Variants in CELF2 observed in about 807,000 individuals in gnomAD.
CELF2 encodes the protein CUGBP Elav-like family member 2.
A neutral mutation model predicts 62.6 loss-of-function variants in CELF2; 8 were observed. The ratio of observed to expected loss-of-function variants is 0.13; its 90% CI spans 0.07 to 0.23. The LOEUF (loss-of-function observed/expected upper bound fraction) is 0.23, where lower values mean the gene tolerates loss of function less well. Ranked by LOEUF, CELF2 falls within the 10% of genes least tolerant of loss-of-function variation. The probability of loss-of-function intolerance (pLI) is 1.00; values close to 1 mark genes in which losing one functional copy is unlikely to be tolerated. For missense variants in CELF2, 333 were observed against 671.0 expected (o/e 0.50, Z 5.56); for synonymous variants, 258 against 250.0 (o/e 1.03, Z -0.30).
At chr10:11,044,813 C>G (rs1040960298) in intron 1 of CELF2, among the ~76,000 whole-genome samples, 1 of 152,162 alleles carries the variant, frequency 6.6e-6, no homozygotes, top group Non-Finnish European at 1.5e-5. Context: ...GGATGAGACT[C>G]TGCTGTTGAG....
the CELF2 span, among the ~76,000 whole-genome samples, chr10:10,785,167 A>G: frequency 6.6e-6 from 1 of 152,188 alleles, no homozygotes; most frequent in Non-Finnish European, 1.5e-5. Context: ...CTTCATGGTG[A>G]TCAATCAGGG....
chr10:10,555,630 G>C, the CELF2 span, among the ~76,000 whole-genome samples: 6 of 152,174 alleles, frequency 3.9e-5, no homozygotes, highest in African/African-American at 1.4e-4. Context: ...TTGGTAAATA[G>C]CTACATTTTT....
chr10:10,732,570 C>A, the CELF2 span, among the ~76,000 whole-genome samples: 2 of 143,310 alleles, frequency 1.4e-5, no homozygotes. Context: ...GTTGCCCAGG[C>A]TGGAGTGCAG....
At chr10:10,841,951 C>G (rs1357302809) in intron 1 of CELF2, among the ~76,000 whole-genome samples, 1 of 151,930 alleles carries the variant, frequency 6.6e-6, no homozygotes, top group Non-Finnish European at 1.5e-5. Flanking sequence ...TATTTAAATC[C>G]TCTTTGATTT....
At position 11,311,274 on chromosome 10, in the gene CELF2, T is replaced by A. The variant is rs2094546822; in HGVS notation, c.977-2865T>A. Among the ~76,000 whole-genome samples, 1 of 152,216 alleles carries A rather than the reference T, an allele frequency of 6.6e-6. No individual in the cohort carries two copies. The highest frequency in any genetic ancestry group is 2.1e-4 in the South Asian group (1 of 4,830). ...GAGTTTACAACCCAGTTTGATTGTA[T>A]CTGAGTGGCCAAAAATCCTAAGCCA... is the stretch of plus-strand genomic sequence containing the variant. On this transcript the variant is annotated intron_variant, in intron 9 of 12. Transcript: ENST00000633077. The surrounding 1 kb of genome is among the most constrained non-coding windows in gnomAD (Gnocchi z 4.7).
At chr10:11,143,681 TA>T (rs547288653) in intron 1 of CELF2, among the ~76,000 whole-genome samples, 47 of 152,352 alleles carry the variant, frequency 3.1e-4, no homozygotes, top group Middle Eastern at 6.8e-3. Context: ...ATTTTATGCT[TA>T]TTTCGCTATT....
intron 1 of CELF2, among the ~76,000 whole-genome samples, chr10:11,023,013 GC>G (rs1428187536): frequency 5.3e-5 from 8 of 152,198 alleles, no homozygotes; most frequent in African/African-American, 1.4e-4. Flanking sequence ...TATGTTCAAT[GC>G]TGCACTTTAC....
intron 2 of CELF2, among the ~76,000 whole-genome samples, chr10:10,964,023 A>G (rs1210604461): frequency 6.6e-6 from 1 of 152,226 alleles, no homozygotes; most frequent in African/African-American, 2.4e-5. Flanking sequence ...GAAAACATAA[A>G]TCTGAATCAA....
chr10:10,512,869 G>T, the CELF2 span, among the ~76,000 whole-genome samples: 1 of 152,180 alleles, frequency 6.6e-6, no homozygotes, highest in African/African-American at 2.4e-5. Flanking sequence ...CCTAGTGGGT[G>T]GTCAAATCAA....
the CELF2 span, among the ~76,000 whole-genome samples, chr10:10,709,575 A>G: frequency 9.9e-5 from 15 of 152,212 alleles, no homozygotes; most frequent in African/African-American, 3.6e-4. Flanking sequence ...GATGAGGGGA[A>G]TATGTGAAGG....
At chr10:11,114,691 C>T (rs1363337258) in intron 1 of CELF2, among the ~76,000 whole-genome samples, 2 of 152,176 alleles carry the variant, frequency 1.3e-5, no homozygotes. Context: ...GGGTTGGCCA[C>T]AGCACTTTAG....
chr10:10,872,325 C>G (rs2060801597), intron 1 of CELF2, among the ~76,000 whole-genome samples: 1 of 152,062 alleles, frequency 6.6e-6, no homozygotes, highest in African/African-American at 2.4e-5. Context: ...GAAATGATCT[C>G]AACAAATTAA....
At chr10:10,485,504 G>A in the CELF2 span, among the ~76,000 whole-genome samples, 2 of 152,212 alleles carry the variant, frequency 1.3e-5, no homozygotes, top group Non-Finnish European at 2.9e-5. Context: ...ATGCAAGGCT[G>A]CCATTCACAA....
At chr10:11,179,215 A>G (rs1364556546) in intron 2 of CELF2, among the ~76,000 whole-genome samples, 3 of 152,234 alleles carry the variant, frequency 2.0e-5, no homozygotes, top group Non-Finnish European at 4.4e-5. Flanking sequence ...TCAGAAGACA[A>G]CTTAGTCTCC....
the CELF2 span, among the ~76,000 whole-genome samples, chr10:10,695,193 G>T: frequency 7.4e-5 from 11 of 147,854 alleles, no homozygotes; most frequent in Middle Eastern, 3.4e-3. Context: ...CTCTTTTAGG[G>T]CAGGCCTGGT....
At chr10:10,855,392 C>T (rs1184480554) in intron 1 of CELF2, among the ~76,000 whole-genome samples, 2 of 152,182 alleles carry the variant, frequency 1.3e-5, no homozygotes, top group Non-Finnish European at 2.9e-5. Flanking sequence ...CAGTGAGGCC[C>T]AGCCTGCACG....
At chr10:10,619,248 A>T in the CELF2 span, among the ~76,000 whole-genome samples, 1 of 152,198 alleles carries the variant, frequency 6.6e-6, no homozygotes, top group Non-Finnish European at 1.5e-5. Context: ...ATTAAAAGGG[A>T]AATCTTATCA....
the CELF2 span, among the ~76,000 whole-genome samples, chr10:10,699,117 T>C: frequency 6.6e-6 from 1 of 152,136 alleles, no homozygotes; most frequent in Non-Finnish European, 1.5e-5. Flanking sequence ...TCTCACAGAA[T>C]TTTTTTGAGG....
At chr10:10,680,361 T>C in the CELF2 span, among the ~76,000 whole-genome samples, 1 of 152,122 alleles carries the variant, frequency 6.6e-6, no homozygotes, top group African/African-American at 2.4e-5. Flanking sequence ...AGTTTTGGTT[T>C]ATTATAGTGA....
Sources: allele counts gnomAD v4.1 joint callset (sites outside exome capture counted in the v4.1 genomes callset), GRCh38; gene constraint gnomAD v4.1.1; non-coding constraint Gnocchi (gnomAD v3.1); transcripts MANE v1.5; gene names NCBI Gene and HGNC (gene_info 2026-07-23, HGNC 2026-07-21).